FNDC1: variants seen among roughly 807,000 people sequenced by gnomAD.
The protein encoded by FNDC1 is fibronectin type III domain-containing protein 1.
In FNDC1, 96 loss-of-function variants were observed where a neutral mutation model predicts 168.0. The ratio of observed to expected loss-of-function variants is 0.57; its 90% CI spans 0.48 to 0.68. FNDC1 has a LOEUF of 0.68. Ranked by LOEUF, FNDC1 falls within the 30% of genes least tolerant of loss-of-function variation. The pLI, the probability that FNDC1 is intolerant of heterozygous loss-of-function variation, is 0.00. For missense variants in FNDC1, 2,587 were observed against 2,482.1 expected, an observed-to-expected ratio of 1.04 and a Z score of -0.90; for synonymous variants, 1,099 against 1,025.9, an observed-to-expected ratio of 1.07 and a Z score of -1.36.
At chr6:159,268,424 G>T (rs371904608) in intron 22 of FNDC1, among the ~76,000 whole-genome samples, 3 of 151,834 alleles carry the variant, frequency 2.0e-5, no homozygotes, top group Admixed American at 2.0e-4. Flanking sequence ...TTTTAGATTC[G>T]AAAAAATGCT....
At position 159,233,733 on chromosome 6, in the gene FNDC1, A is replaced by T. The variant is rs376622692; in HGVS notation, c.3221A>T (p.Asp1074Val). The T allele has an allele frequency of 1.1e-4, 173 of 1,549,848 alleles. 3 individuals are homozygous for T. The South Asian group carries it at 1.5e-3, about 14-fold the overall frequency. ...LPTALQNQDEDAQGSYDDDST... is the reference protein window; with the variant it reads ...LPTALQNQDEVAQGSYDDDST... Reference sequence around the variant, plus strand: ...ACGGCCCTCCAGAACCAGGACGAGGATGCCCAGGGCAGCTACGACGACGAC... The same window carrying T: ...ACGGCCCTCCAGAACCAGGACGAGGTTGCCCAGGGCAGCTACGACGACGAC... Residue 1074 changes from aspartate to valine, a missense_variant, in exon 11 of 23, where the codon GAT becomes GTT. Coordinates refer to ENST00000297267, the MANE Select transcript of FNDC1 (RefSeq NM_032532.3). The surrounding 1 kb of genome is among the most constrained non-coding windows in gnomAD (Gnocchi z 4.6).
rs746468686 is a variant in FNDC1, at chr6:159,239,827, AACC to A, written c.4504_4506del (p.Thr1502del). On this transcript the variant is annotated inframe_deletion, in exon 14 of 23. Coordinates refer to ENST00000297267, the MANE Select transcript of FNDC1 (RefSeq NM_032532.3). The stretch of plus-strand genomic sequence containing the variant: ...CCACAGTCCGAACCACTACGCGGAC[AACC>A]ACCACCACCACCCCCACACCCACCA... 1.4e-5 allele frequency: 22 copies of A among 1,538,436 alleles called. No individual in the cohort carries two copies. The highest frequency in any genetic ancestry group is 5.5e-5 in the African/African-American group (4 of 72,628).
At chr6:159,246,499 G>A (rs952894206) in intron 14 of FNDC1, among the ~76,000 whole-genome samples, 3 of 152,202 alleles carry the variant, frequency 2.0e-5, no homozygotes, top group Non-Finnish European at 2.9e-5. Context: ...TCTGTCTCTC[G>A]TGACTGCTTC....
At position 159,272,012 on chromosome 6, in the gene FNDC1, T is replaced by C. The variant is rs1259958317; in HGVS notation, c.*570T>C. 6.5e-6 allele frequency: 1 copy of C among 153,004 alleles called. No individual in the cohort carries two copies. Among genetic ancestry groups the C allele is most frequent in the East Asian group, 1.9e-4 (1 of 5,202 alleles). 9.5% of individuals were successfully genotyped at this position (153,004 alleles called of 1,614,324 possible). On this transcript the variant is annotated 3_prime_UTR_variant, in exon 23 of 23. Coordinates refer to ENST00000297267, the MANE Select transcript of FNDC1 (RefSeq NM_032532.3). ...TGTATCAAATCTTATTTGTAAATTC[T>C]CAATTTTGATATATATATGTATATA...
At chr6:159,264,943 A>C in intron 19 of FNDC1, 32 bp from the exon 20 acceptor site, 1 of 1,578,626 alleles carries the variant, frequency 6.3e-7, no homozygotes, top group Non-Finnish European at 8.6e-7. Context: ...GAAATATGGC[A>C]CAGAGTCCAT....
At chr6:159,235,057 G>T (rs1783215916) in intron 11 of FNDC1, among the ~76,000 whole-genome samples, 1 of 152,192 alleles carries the variant, frequency 6.6e-6, no homozygotes, top group African/African-American at 2.4e-5. Flanking sequence ...GGTATGAATT[G>T]CTCAGACAGT....
chr6:159,233,946 A>T lies in FNDC1; in HGVS notation c.3434A>T (p.Gln1145Leu). The T allele has an allele frequency of 6.4e-7, 1 of 1,565,594 alleles. No individual in the cohort carries two copies. Among genetic ancestry groups the T allele is most frequent in the Non-Finnish European group, 8.7e-7 (1 of 1,155,258 alleles). Residue 1145 changes from glutamine to leucine, a missense_variant, in exon 11 of 23, where the codon CAG (glutamine) becomes CTG (leucine). By Grantham distance (113) the Gln-to-Leu change is moderately radical (BLOSUM62 -2). Coordinates refer to ENST00000297267, the MANE Select transcript of FNDC1 (RefSeq NM_032532.3). This position sits in a 1 kb window ranked among gnomAD's most constrained non-coding sequence, Gnocchi z 4.6. ...AGGCCCAGCCGACCCGGCGGCCCCC[A>T]GTCCCGCGCCCGGGTACCCAGCAGG... Reference protein sequence around the residue: ...PARPSRPGGPQSRARVPSRAA... With the variant: ...PARPSRPGGPLSRARVPSRAA...
intron 14 of FNDC1, among the ~76,000 whole-genome samples, chr6:159,245,110 C>T (rs1206752931): frequency 3.3e-5 from 5 of 152,074 alleles, no homozygotes; most frequent in East Asian, 1.9e-4. Flanking sequence ...CATCAGATCT[C>T]GTGAGAATTT....
At chr6:159,173,763 GT>G (rs767529708) in intron 1 of FNDC1, among the ~76,000 whole-genome samples, 13 of 152,212 alleles carry the variant, frequency 8.5e-5, no homozygotes, top group Non-Finnish European at 1.6e-4. Context: ...GAGATCAGAA[GT>G]CTGAAATGTG....
chr6:159,237,275 C>G (rs1329429073), intron 12 of FNDC1, among the ~76,000 whole-genome samples: 1 of 152,196 alleles, frequency 6.6e-6, no homozygotes, highest in Non-Finnish European at 1.5e-5. Context: ...TGCAGGGCTT[C>G]CTCCAGTAGC....
At position 159,251,483 on chromosome 6, in the gene FNDC1, AT is replaced by A; in HGVS notation, c.5019del (p.Phe1673LeufsTer40). ...TVVAVEGCHS[F>X]VIVDWDKATP... Reference sequence around the variant, plus strand: ...TGGTGGCCGTGGAAGGTTGCCACTCATTTGTCATTGTGGACTGGGACAAAGC... The same window carrying A: ...TGGTGGCCGTGGAAGGTTGCCACTCATTGTCATTGTGGACTGGGACAAAGC... On this transcript the variant is annotated frameshift_variant, in exon 17 of 23. Transcript: ENST00000297267. LOFTEE classifies it high-confidence loss of function. 6.2e-7 allele frequency: 1 copy of A among 1,613,896 alleles called. No individual in the cohort carries two copies. The highest frequency in any genetic ancestry group is 8.5e-7 in the Non-Finnish European group (1 of 1,179,876).
intron 4 of FNDC1, among the ~76,000 whole-genome samples, chr6:159,212,732 A>G (rs1782632783): frequency 6.6e-6 from 1 of 152,146 alleles, no homozygotes; most frequent in Non-Finnish European, 1.5e-5. Flanking sequence ...ACTTTTTGTT[A>G]TATGTAATGC....
chr6:159,235,795 T>G (rs1245021900), intron 11 of FNDC1, among the ~76,000 whole-genome samples: 1 of 152,236 alleles, frequency 6.6e-6, no homozygotes, highest in Non-Finnish European at 1.5e-5. Flanking sequence ...CAGCTGGGAA[T>G]AGCTGTGTTT....
chr6:159,174,962 C>A (rs1402625622), intron 1 of FNDC1, among the ~76,000 whole-genome samples: 1 of 152,138 alleles, frequency 6.6e-6, no homozygotes, highest in East Asian at 1.9e-4. Flanking sequence ...ATTATAATGT[C>A]AAATTATTAT....
At chr6:159,236,784 G>A (rs987730278) in intron 12 of FNDC1, among the ~76,000 whole-genome samples, 1 of 152,182 alleles carries the variant, frequency 6.6e-6, no homozygotes, top group Non-Finnish European at 1.5e-5. Flanking sequence ...AACCCTGAAT[G>A]ATACTGGAAA....
At position 159,226,709 on chromosome 6, in the gene FNDC1, G is replaced by A. The variant is rs150453797; in HGVS notation, c.1180+129G>A. 1.5e-3 allele frequency: 955 copies of A among 618,000 alleles called. 3 individuals carry two copies. The highest frequency in any genetic ancestry group is 2.2e-3 in the Admixed American group (62 of 28,058). 38.3% of individuals were successfully genotyped at this position (618,000 alleles called of 1,614,324 possible). ...TCTAAGAGGTGCTCACCCAAGGGAC[G>A]AGGATATTTCATGCAAGATTTTCAT... On this transcript the variant is annotated intron_variant, in intron 9 of 22. Transcript: ENST00000297267.
chr6:159,250,980 G>A (rs1443078031), intron 16 of FNDC1, among the ~76,000 whole-genome samples: 3 of 152,162 alleles, frequency 2.0e-5, no homozygotes, highest in Admixed American at 1.3e-4. Flanking sequence ...CCAAATGTGG[G>A]GCACAGGAAT....
chr6:159,196,014 C>T (rs1782234842), intron 1 of FNDC1, among the ~76,000 whole-genome samples: 1 of 152,158 alleles, frequency 6.6e-6, no homozygotes, highest in Non-Finnish European at 1.5e-5. Context: ...GGGAATGATT[C>T]CTGCTGAAGT....
intron 20 of FNDC1, among the ~76,000 whole-genome samples, chr6:159,265,538 A>G (rs575998431): frequency 2.8e-4 from 43 of 152,304 alleles, no homozygotes; most frequent in Non-Finnish European, 5.3e-4. Flanking sequence ...TGAAATGTGT[A>G]TACTTTAAAT....
Sources: gnomAD v4.1 joint callset for allele counts (sites outside exome capture counted in the v4.1 genomes callset) on GRCh38, gnomAD v4.1.1 for gene constraint, Gnocchi (gnomAD v3.1) non-coding constraint, MANE v1.5 for transcripts, NCBI Gene and HGNC (gene_info 2026-07-23, HGNC 2026-07-21) for gene names.